PRKG1: variants seen among roughly 807,000 people sequenced by gnomAD.
PRKG1 encodes the protein protein kinase cGMP-dependent 1, also known as cGMP-dependent protein kinase 1.
PRKG1 carries 35 observed loss-of-function variants against 88.1 expected under a neutral mutation model. That is an observed-to-expected ratio of 0.40 (90% CI 0.30 to 0.53). PRKG1 has a LOEUF of 0.53. Among genes scored for constraint, PRKG1 ranks in the 20% least tolerant of loss-of-function variants. The pLI is 0.59. For synonymous variants in PRKG1, 303 were observed against 292.5 expected (o/e 1.04, Z -0.37); for missense variants, 540 against 839.8 (o/e 0.64, Z 4.41).
At chr10:51,172,157 T>C (rs1190434908) in intron 2 of PRKG1, among the ~76,000 whole-genome samples, 1 of 152,096 alleles carries the variant, frequency 6.6e-6, no homozygotes, top group Non-Finnish European at 1.5e-5. Context: ...GATGAAATAA[T>C]GAGTCACTTT....
intron 2 of PRKG1, among the ~76,000 whole-genome samples, chr10:51,167,090 G>A (rs1050744784): frequency 6.6e-6 from 1 of 152,150 alleles, no homozygotes; most frequent in Admixed American, 6.5e-5. Flanking sequence ...ACATTCTGGT[G>A]ATGGTGGCAG....
chr10:51,632,216 C>A (rs1055163154), intron 3 of PRKG1, among the ~76,000 whole-genome samples: 2 of 152,000 alleles, frequency 1.3e-5, no homozygotes, highest in African/African-American at 2.4e-5. Flanking sequence ...AGATTGGATA[C>A]CCCTGATCCT....
chr10:51,074,254 C>A (rs1843886330), upstream of PRKG1: 10 of 261,152 alleles, frequency 3.8e-5, no homozygotes, highest in South Asian at 7.5e-4. Context: ...TTCACGTCCC[C>A]TCCTCCCGCT....
intron 2 of PRKG1, among the ~76,000 whole-genome samples, chr10:51,259,291 T>G (rs1284953267): frequency 6.6e-6 from 1 of 152,204 alleles, no homozygotes; most frequent in African/African-American, 2.4e-5. Flanking sequence ...AGAAAATCGT[T>G]TAGCAGATAT....
chr10:52,252,324 C>T (rs1381318695), intron 10 of PRKG1: 2 of 152,082 alleles, frequency 1.3e-5, no homozygotes, highest in Non-Finnish European at 2.9e-5. Context: ...TGAAAACGTA[C>T]TCTACTTTGC....
At chr10:51,230,616 C>A (rs1481159189) in intron 2 of PRKG1, among the ~76,000 whole-genome samples, 2 of 152,128 alleles carry the variant, frequency 1.3e-5, no homozygotes, top group Non-Finnish European at 2.9e-5. Flanking sequence ...ATACTGAAAT[C>A]CAAGGATGCT....
chr10:51,170,394 C>T (rs1039350728), intron 2 of PRKG1, among the ~76,000 whole-genome samples: 1 of 151,554 alleles, frequency 6.6e-6, no homozygotes, highest in African/African-American at 2.4e-5. Flanking sequence ...TTTTATAACA[C>T]TCAATCAGTA....
chr10:52,000,951 C>G (rs1217405724), intron 5 of PRKG1, among the ~76,000 whole-genome samples: 1 of 151,958 alleles, frequency 6.6e-6, no homozygotes, highest in Non-Finnish European at 1.5e-5. Context: ...AAAATGACTT[C>G]AATTTTTTGA....
chr10:51,024,401 T>A (rs1397149539), intron 1 of PRKG1, among the ~76,000 whole-genome samples: 1 of 152,204 alleles, frequency 6.6e-6, no homozygotes, highest in Non-Finnish European at 1.5e-5. Context: ...CATATGAACA[T>A]AATGATAGTA....
chr10:51,223,419 T>A (rs1838604712), intron 2 of PRKG1, among the ~76,000 whole-genome samples: 1 of 152,232 alleles, frequency 6.6e-6, no homozygotes, highest in South Asian at 2.1e-4. Context: ...AGCCCACATG[T>A]ATACTTCATA....
intron 2 of PRKG1, among the ~76,000 whole-genome samples, chr10:51,209,599 TG>T (rs1393351099): frequency 6.6e-6 from 1 of 152,190 alleles, no homozygotes; most frequent in African/African-American, 2.4e-5. Context: ...AAAAGTAACA[TG>T]GGTTTAATTT....
At chr10:51,627,084 G>C (rs140007835) in intron 3 of PRKG1, among the ~76,000 whole-genome samples, 11 of 152,254 alleles carry the variant, frequency 7.2e-5, no homozygotes, top group African/African-American at 2.6e-4. Context: ...AGGAAGCAAG[G>C]TAGGGCACTT....
At chr10:52,071,258 G>A (rs988125076) in intron 7 of PRKG1, among the ~76,000 whole-genome samples, 1 of 152,140 alleles carries the variant, frequency 6.6e-6, no homozygotes, top group Non-Finnish European at 1.5e-5. Flanking sequence ...AGGGAACATA[G>A]TACCTAAAAG....
At chr10:51,746,344 A>G (rs1837577865) in intron 3 of PRKG1, among the ~76,000 whole-genome samples, 1 of 151,556 alleles carries the variant, frequency 6.6e-6, no homozygotes, top group Non-Finnish European at 1.5e-5. Context: ...ACCAACCTGA[A>G]GTTTCCCTTA....
chr10:51,271,318 A>G (rs1487296139), intron 2 of PRKG1, among the ~76,000 whole-genome samples: 9 of 151,956 alleles, frequency 5.9e-5, no homozygotes, highest in Non-Finnish European at 1.2e-4. Context: ...TTTCCTTGCC[A>G]AAAGTGTTTA....
intron 2 of PRKG1, among the ~76,000 whole-genome samples, chr10:51,317,579 C>T (rs1240730006): frequency 6.6e-6 from 1 of 152,078 alleles, no homozygotes; most frequent in Admixed American, 6.6e-5. Context: ...AAAGAAGCAA[C>T]TAACATAAAG....
At chr10:51,037,929 A>G (rs1843372048) in intron 1 of PRKG1, among the ~76,000 whole-genome samples, 1 of 152,178 alleles carries the variant, frequency 6.6e-6, no homozygotes, top group Non-Finnish European at 1.5e-5. Flanking sequence ...CTTTATTTTA[A>G]TTAGAAATGT....
chr10:52,033,768 C>T (rs964328471), intron 5 of PRKG1, among the ~76,000 whole-genome samples: 1 of 152,070 alleles, frequency 6.6e-6, no homozygotes, highest in Non-Finnish European at 1.5e-5. Flanking sequence ...CATGCACGTC[C>T]GTGTGAACAG....
At position 51,505,222 on chromosome 10, in the gene PRKG1, G is replaced by A. The variant is rs546285641; in HGVS notation, c.592+37386G>A. Among the ~76,000 whole-genome samples the A allele has an allele frequency of 3.3e-5, 5 of 152,250 alleles. No homozygotes were observed. In the East Asian group the frequency reaches 5.8e-4, roughly 18 times the overall value. ...GTCAAAGGCCTTTTCTGCATCTATTGAGATAATCATGTGGTTTTGTCGTTG... is the reference window on the plus strand; with the variant it reads ...GTCAAAGGCCTTTTCTGCATCTATTAAGATAATCATGTGGTTTTGTCGTTG... On this transcript the variant is annotated intron_variant, in intron 3 of 17. Coordinates refer to ENST00000373980, the MANE Select transcript of PRKG1 (RefSeq NM_006258.4).
Sources: gnomAD v4.1 joint callset for allele counts (sites outside exome capture counted in the v4.1 genomes callset) on GRCh38, gnomAD v4.1.1 for gene constraint, MANE v1.5 for transcripts, NCBI Gene and HGNC (gene_info 2026-07-23, HGNC 2026-07-21) for gene names.